Variants in HBS1L observed in about 807,000 individuals in gnomAD.
The protein encoded by HBS1L is HBS1 like translational GTPase, also known as HBS1-like protein.
Under a neutral mutation model 88.9 loss-of-function variants are expected in HBS1L, and 55 were observed. That is an observed-to-expected ratio of 0.62 (90% CI 0.50 to 0.77). The LOEUF is 0.77. Ranked by LOEUF, HBS1L falls within the 30% of genes least tolerant of loss-of-function variation. HBS1L has a pLI of 0.00. For missense variants in HBS1L, 741 were observed against 829.3 expected (o/e 0.89, Z 1.31); for synonymous variants, 267 against 288.5 (o/e 0.93, Z 0.76).
chr6:135,052,835 TA>T (rs1777130608), intron 1 of HBS1L, among the ~76,000 whole-genome samples: 1 of 152,178 alleles, frequency 6.6e-6, no homozygotes, highest in Non-Finnish European at 1.5e-5. Context: ...TGTAAAGTAT[TA>T]CATAAATTAC....
At chr6:134,971,097 A>T (rs540799743) in intron 15 of HBS1L, among the ~76,000 whole-genome samples, 37 of 124,694 alleles carry the variant, frequency 3.0e-4, no homozygotes, top group Middle Eastern at 7.9e-3. Flanking sequence ...AAACCAACTC[A>T]TTCAATTAAA....
chr6:135,008,331 G>A (rs1487766301), intron 4 of HBS1L, among the ~76,000 whole-genome samples: 1 of 152,204 alleles, frequency 6.6e-6, no homozygotes, highest in Non-Finnish European at 1.5e-5. Flanking sequence ...TATTGACAAA[G>A]AAACAAGGGA....
intron 5 of HBS1L, among the ~76,000 whole-genome samples, chr6:135,002,009 T>C (rs1209114161): frequency 6.6e-6 from 1 of 151,912 alleles, no homozygotes; most frequent in African/African-American, 2.4e-5. Flanking sequence ...ACCTATTGTT[T>C]ATATTTGATA....
intron 3 of HBS1L, among the ~76,000 whole-genome samples, chr6:135,040,344 C>CTTTTTTTTTTTTTTTTTTTTTTTTTTT (rs71006751): frequency 9.1e-6 from 1 of 110,060 alleles, no homozygotes; most frequent in Non-Finnish European, 1.8e-5. Context: ...GATAGGCATT[C>CTTTTTTTTTTTTTTTTTTTTTTTTTTT]TTTTTTTTTT....
rs930442403 is a variant in HBS1L, at chr6:134,997,521, T to C, written c.675A>G (p.Ser225=). ...SANPPHTIQA[S]EEQSSTPAPV... is the part of the protein sequence containing the mutation. ...GTGCTGGGGTTGAACTCTGCTCTTC[T>C]GATGCTTGAATCGTGTGGGGTGGAT... The change falls in exon 6 of 18, where the codon TCA becomes TCG. Residue 225 remains serine (S), a synonymous_variant. Coordinates refer to ENST00000367837, the MANE Select transcript of HBS1L (RefSeq NM_006620.4). 3.1e-6 allele frequency: 5 copies of C among 1,614,006 alleles called. No individual in the cohort carries two copies. The African/African-American group carries it at 6.7e-5, about 22-fold the overall frequency.
intron 4 of HBS1L, among the ~76,000 whole-genome samples, chr6:135,027,405 C>T (rs907618873): frequency 2.0e-5 from 3 of 152,032 alleles, no homozygotes; most frequent in Non-Finnish European, 2.9e-5. Flanking sequence ...TAACAAAACT[C>T]CCCAGCAACC....
intron 17 of HBS1L, 125 bp downstream of exon 17, chr6:134,966,203 GT>G: frequency 1.3e-6 from 1 of 769,748 alleles, no homozygotes; most frequent in Non-Finnish European, 2.0e-6. Context: ...CCTAAAATGA[GT>G]AAGGCTTCTC....
At chr6:134,987,825 T>C in intron 8 of HBS1L, 34 bp from the exon 9 acceptor site, 2 of 1,532,362 alleles carry the variant, frequency 1.3e-6, no homozygotes, top group Non-Finnish European at 1.8e-6. Context: ...CCAGAAATAA[T>C]GTTTCAGCAT....
intron 4 of HBS1L, among the ~76,000 whole-genome samples, chr6:135,024,136 G>C (rs1238675103): frequency 6.6e-6 from 1 of 151,822 alleles, no homozygotes; most frequent in Non-Finnish European, 1.5e-5. Context: ...CTGAGAAAAG[G>C]GTCCCTTAAA....
In HBS1L at chr6:134,996,903, A is replaced by G. The variant is rs189410691; in HGVS notation, c.839T>C (p.Met280Thr). Residue 280 changes from methionine (M) to threonine (T), a missense_variant, in exon 7 of 18, where the codon ATG becomes ACG. Coordinates refer to ENST00000367837, the MANE Select transcript of HBS1L (RefSeq NM_006620.4). ...GTTTATATTACCCAGAAGATAAAGC[A>G]TATGGCCCATCAGAGTACTTTTCCC... ...DAGKSTLMGH[M>T]LYLLGNINKR... is the part of the protein sequence containing the mutation. 1.1e-5 allele frequency: 18 copies of G among 1,606,312 alleles called. No homozygotes were observed. Among genetic ancestry groups the G allele is most frequent in the African/African-American group, 5.4e-5 (4 of 74,684 alleles).
chr6:135,048,252 T>C (rs1354312984), intron 2 of HBS1L, among the ~76,000 whole-genome samples: 1 of 152,196 alleles, frequency 6.6e-6, no homozygotes, highest in Non-Finnish European at 1.5e-5. Context: ...AGCAGTTTCT[T>C]CCAGTAACTG....
intron 3 of HBS1L, among the ~76,000 whole-genome samples, 153 bp downstream of exon 3, chr6:135,041,848 C>T (rs189250536): frequency 1.4e-4 from 22 of 152,286 alleles, no homozygotes; most frequent in Admixed American, 1.4e-3. Context: ...ACAAAACATA[C>T]TTAATAAAAC....
rs538844302 is a variant in HBS1L, at chr6:135,007,929, G to A, written c.431-5087C>T. 1.1e-4 allele frequency among the ~76,000 whole-genome samples: 16 copies of A among 152,276 alleles called. 2 individuals are homozygous for A. Among genetic ancestry groups the A allele is most frequent in the Admixed American group, 2.6e-4 (4 of 15,302 alleles). On this transcript the variant is annotated intron_variant, in intron 4 of 17. Transcript: ENST00000367837. ...GTCCCTGCCCTACCACTAATTAGCTGTCACCTTACGGCTTAAGCAGTTCAT... is the reference window on the plus strand; with the variant it reads ...GTCCCTGCCCTACCACTAATTAGCTATCACCTTACGGCTTAAGCAGTTCAT...
intron 15 of HBS1L, among the ~76,000 whole-genome samples, chr6:134,973,142 C>T (rs973680908): frequency 1.3e-5 from 2 of 152,188 alleles, no homozygotes; most frequent in Non-Finnish European, 2.9e-5. Flanking sequence ...TACTTGTACA[C>T]CCGTTTTCAC....
At chr6:135,012,832 G>A (rs189416870) in intron 4 of HBS1L, among the ~76,000 whole-genome samples, 8 of 152,290 alleles carry the variant, frequency 5.3e-5, no homozygotes, top group Admixed American at 5.2e-4. Context: ...ACAGAAGGAA[G>A]CCATGGCTTC....
intron 15 of HBS1L, among the ~76,000 whole-genome samples, chr6:134,970,460 C>A (rs559498085): frequency 6.6e-6 from 1 of 152,232 alleles, no homozygotes; most frequent in Admixed American, 6.5e-5. Context: ...CAATCTTCCA[C>A]CCCTAAAATC....
intron 4 of HBS1L, among the ~76,000 whole-genome samples, chr6:135,031,181 C>T (rs1201147458): frequency 6.6e-6 from 1 of 151,932 alleles, no homozygotes. Flanking sequence ...GTGCTGTGGG[C>T]CATGAGTTCG....
chr6:134,997,427 C>A lies in HBS1L; in HGVS notation c.769G>T (p.Gly257Trp). 6.2e-7 allele frequency: 1 copy of A among 1,614,044 alleles called. No individual in the cohort carries two copies. The highest frequency in any genetic ancestry group is 8.5e-7 in the Non-Finnish European group (1 of 1,179,966). ...VKAELEKRQGGKQLLNLVVIG... is the reference protein window; with the variant it reads ...VKAELEKRQGWKQLLNLVVIG... ...ACCACTAAGTTGAGTAGCTGCTTCC[C>A]TCCTTGCCGCTTCTCCAGTTCCGCC... Residue 257 changes from glycine (G) to tryptophan (W), a missense_variant, in exon 6 of 18, where the codon GGG becomes TGG. Physicochemically the swap from Gly to Trp is radical, Grantham distance 184 (BLOSUM62 -2). Around this residue, in one of 3 missense-constraint regions of HBS1L, gnomAD observed 556 missense variants for 598.4 expected, o/e 0.93. Coordinates refer to ENST00000367837, the MANE Select transcript of HBS1L (RefSeq NM_006620.4).
chr6:135,029,513 AAC>A (rs1776327601), intron 4 of HBS1L, among the ~76,000 whole-genome samples: 1 of 152,072 alleles, frequency 6.6e-6, no homozygotes, highest in Non-Finnish European at 1.5e-5. Context: ...TAAATGAAAA[AAC>A]ATTTTCCAAT....
Sources: allele counts gnomAD v4.1 joint callset (sites outside exome capture counted in the v4.1 genomes callset), GRCh38; gene constraint gnomAD v4.1.1; regional missense constraint gnomAD v4.1.1; transcripts MANE v1.5; gene names NCBI Gene and HGNC (gene_info 2026-07-23, HGNC 2026-07-21).